PRDM10: variants seen among roughly 807,000 people sequenced by gnomAD.
The protein encoded by PRDM10 is PR domain zinc finger protein 10.
PRDM10 carries 65 observed loss-of-function variants against 133.1 expected under a neutral mutation model. The observed-to-expected ratio is 0.49, with a 90% CI of 0.40 to 0.60. The LOEUF is 0.60. PRDM10 is among the 20% of genes least tolerant of loss of function. The probability of loss-of-function intolerance (pLI) is 0.00; values close to 1 mark genes in which losing one functional copy is unlikely to be tolerated. For missense variants in PRDM10, 1,137 were observed against 1,507.1 expected (o/e 0.75, Z 4.07); for synonymous variants, 582 against 580.4 (o/e 1.00, Z -0.04).
intron 1 of PRDM10, among the ~76,000 whole-genome samples, chr11:129,988,322 T>C (rs1430613476): frequency 1.3e-5 from 2 of 152,220 alleles, no homozygotes; most frequent in Non-Finnish European, 2.9e-5. Context: ...TCTTTGAATG[T>C]ATTAAAGCCA....
intron 1 of PRDM10, among the ~76,000 whole-genome samples, chr11:129,962,869 C>G (rs572447612): frequency 1.3e-5 from 2 of 152,190 alleles, no homozygotes; most frequent in South Asian, 4.1e-4. Flanking sequence ...AAGGAATAGG[C>G]TGGGTGCAGT....
chr11:129,976,120 A>G (rs901037136), intron 1 of PRDM10, among the ~76,000 whole-genome samples: 3 of 152,184 alleles, frequency 2.0e-5, no homozygotes, highest in African/African-American at 7.2e-5. Flanking sequence ...CCTGATCAGC[A>G]CAGGCCATCC....
chr11:129,924,827 A>T lies in PRDM10; in HGVS notation c.1878+55T>A, dbSNP rs529773992. The T allele has an allele frequency of 2.0e-6, 3 of 1,473,238 alleles. No individual in the cohort carries two copies. The Admixed American group carries it at 6.9e-5, about 34-fold the overall frequency. 91.3% of individuals were successfully genotyped at this position (1,473,238 alleles called of 1,614,324 possible). On this transcript the variant is annotated intron_variant, in intron 12 of 20. Transcript: ENST00000360871. ...GCAGTCTCGGTTTTCCAAAAATCGA[A>T]GTTTCTTTTACCAAAAGAAGGAAGC...
At chr11:129,973,891 A>G (rs570175803) in intron 1 of PRDM10, among the ~76,000 whole-genome samples, 1 of 152,354 alleles carries the variant, frequency 6.6e-6, no homozygotes, top group African/African-American at 2.4e-5. Flanking sequence ...TAGGTAGGAC[A>G]AGAACTATGT....
chr11:129,923,176 G>A lies in PRDM10; in HGVS notation c.2034+72C>T. On this transcript the variant is annotated intron_variant, in intron 13 of 20. Coordinates refer to ENST00000360871, the MANE Select transcript of PRDM10 (RefSeq NM_199437.2). This position sits in a 1 kb window ranked among gnomAD's most constrained non-coding sequence, Gnocchi z 4.4. ...GGGTGATAAACTGATGAAATGAACA[G>A]GCATTTACCCTCAGCTTGCTATAAT... is the stretch of plus-strand genomic sequence containing the variant. 2 of 1,457,208 alleles carry A rather than the reference G, an allele frequency of 1.4e-6. No individual in the cohort carries two copies. The highest frequency in any genetic ancestry group is 2.8e-5 in the African/African-American group (2 of 70,228). The allele number at this position is 1,457,208 out of a possible 1,614,324, so 90.3% of individuals were successfully genotyped here.
intron 1 of PRDM10, among the ~76,000 whole-genome samples, chr11:129,977,803 A>G (rs113526899): frequency 1.4e-4 from 22 of 152,262 alleles, no homozygotes; most frequent in African/African-American, 4.8e-4. Context: ...AAAAATGCAA[A>G]AAACTAGGCA....
At chr11:129,969,886 CCTT>C (rs1951982281) in intron 1 of PRDM10, among the ~76,000 whole-genome samples, 1 of 152,062 alleles carries the variant, frequency 6.6e-6, no homozygotes, top group South Asian at 2.1e-4. Context: ...AGAAAACACA[CCTT>C]CTAAACTCAT....
chr11:129,918,492 G>A lies in PRDM10; in HGVS notation c.2214+47C>T. On this transcript the variant is annotated intron_variant, in intron 14 of 20. Transcript: ENST00000360871. This position sits in a 1 kb window ranked among gnomAD's most constrained non-coding sequence, Gnocchi z 5.3. ...AAACGTCACCATCATCGACAGCAAT[G>A]AGGTATGCTGGGAAGACAGAGGAAC... is the stretch of plus-strand genomic sequence containing the variant. 1 of 1,576,944 alleles carries A rather than the reference G, an allele frequency of 6.3e-7. No individual in the cohort carries two copies. The highest frequency in any genetic ancestry group is 1.4e-5 in the African/African-American group (1 of 73,794).
chr11:129,971,279 A>C lies in PRDM10; in HGVS notation c.-118-10197T>G, dbSNP rs186932207. On this transcript the variant is annotated intron_variant, in intron 1 of 20. Transcript: ENST00000360871. ...GCGAGTTGCCACCGCTAGCTCGGGCAGCCTGCTTTTATTCTCTTATCTGGC... is the reference window on the plus strand; with the variant it reads ...GCGAGTTGCCACCGCTAGCTCGGGCCGCCTGCTTTTATTCTCTTATCTGGC... Among the ~76,000 whole-genome samples the C allele has an allele frequency of 1.2e-4, 19 of 152,330 alleles. No individual in the cohort carries two copies. In the East Asian group the frequency reaches 3.7e-3, roughly 29 times the overall value.
At chr11:129,974,737 A>G (rs1308710022) in intron 1 of PRDM10, among the ~76,000 whole-genome samples, 113 of 152,162 alleles carry the variant, frequency 7.4e-4, no homozygotes, top group Non-Finnish European at 8.8e-5. Flanking sequence ...GCACCTCAAT[A>G]AAGTACCCGA....
chr11:129,917,504 T>G (rs1025674291), intron 14 of PRDM10, among the ~76,000 whole-genome samples: 1 of 152,240 alleles, frequency 6.6e-6, no homozygotes, highest in Non-Finnish European at 1.5e-5. Context: ...AGTCTTTGGC[T>G]GAAAGAACTA....
chr11:129,907,061 G>A (rs1344360607), intron 19 of PRDM10, among the ~76,000 whole-genome samples: 1 of 152,040 alleles, frequency 6.6e-6, no homozygotes, highest in Non-Finnish European at 1.5e-5. Context: ...AACATCGATG[G>A]CTCCTAACAT....
intron 19 of PRDM10, among the ~76,000 whole-genome samples, chr11:129,909,787 C>T (rs1950128915): frequency 6.6e-6 from 1 of 152,180 alleles, no homozygotes; most frequent in Non-Finnish European, 1.5e-5. Flanking sequence ...ACTGTTTCCA[C>T]AGCACGAATC....
At chr11:129,992,507 G>C (rs956712712) in intron 1 of PRDM10, among the ~76,000 whole-genome samples, 1 of 152,158 alleles carries the variant, frequency 6.6e-6, no homozygotes, top group Non-Finnish European at 1.5e-5. Flanking sequence ...TTTCATCCTA[G>C]GCAAAGTGGC....
At chr11:129,928,852 C>T (rs749865815) in intron 11 of PRDM10, among the ~76,000 whole-genome samples, 10 of 152,190 alleles carry the variant, frequency 6.6e-5, no homozygotes, top group Middle Eastern at 3.2e-3. Flanking sequence ...CCAACCACAG[C>T]AAGAACCTCC....
chr11:129,946,621 G>C (rs1475039190), intron 5 of PRDM10, among the ~76,000 whole-genome samples: 1 of 152,170 alleles, frequency 6.6e-6, no homozygotes, highest in African/African-American at 2.4e-5. Flanking sequence ...CTGGAGTCCT[G>C]ACCCTCAAAT....
At chr11:129,987,720 G>A (rs779447983) in intron 1 of PRDM10, among the ~76,000 whole-genome samples, 44 of 152,200 alleles carry the variant, frequency 2.9e-4, no homozygotes, top group Non-Finnish European at 3.2e-4. Flanking sequence ...GAATGAAGAC[G>A]CCGGGTGTGG....
In PRDM10 at chr11:129,947,218, T is replaced by C. The variant is rs750336949; in HGVS notation, c.447A>G (p.Glu149=). The C allele has an allele frequency of 6.2e-7, 1 of 1,614,120 alleles. No individual in the cohort carries two copies. The highest frequency in any genetic ancestry group is 8.5e-7 in the Non-Finnish European group (1 of 1,180,004). Residue 149 remains glutamate, a synonymous_variant, in exon 5 of 21, where the codon GAA becomes GAG. Transcript: ENST00000360871. This position sits in a 1 kb window ranked among gnomAD's most constrained non-coding sequence, Gnocchi z 4.6. Reference sequence around the variant, plus strand: ...CCAGATCCGTGTCCTCACCGTCTTCTTCCTCATCTTCCTCAGTGTCCTCGT... The same window carrying C: ...CCAGATCCGTGTCCTCACCGTCTTCCTCCTCATCTTCCTCAGTGTCCTCGT... ...DEDEDTEEDE[E]EDGEDTDLDD...
Position 129,918,738 on chromosome 11 carries a change from GA to G in PRDM10, c.2035-21del, listed in dbSNP as rs1950434293. 12 of 1,592,106 alleles carry G rather than the reference GA, an allele frequency of 7.5e-6. No individual in the cohort carries two copies. Among genetic ancestry groups the G allele is most frequent in the South Asian group, 1.1e-5 (1 of 88,744 alleles). On this transcript the variant is annotated intron_variant, in intron 13 of 20. Transcript: ENST00000360871. The surrounding 1 kb of genome is among the most constrained non-coding windows in gnomAD (Gnocchi z 5.3). ...TTTTCGCTATTTGGAGAGTATTTTT[GA>G]AAACGGGGTAGACACGGGGGTAGAA...
Sources: gnomAD v4.1 joint callset for allele counts (sites outside exome capture counted in the v4.1 genomes callset) on GRCh38, gnomAD v4.1.1 for gene constraint, Gnocchi (gnomAD v3.1) non-coding constraint, MANE v1.5 for transcripts, NCBI Gene and HGNC (gene_info 2026-07-23, HGNC 2026-07-21) for gene names.